The following ACOX3 variants were observed in gnomAD, a reference collection of about 807,000 sequenced individuals.
ACOX3 encodes peroxisomal acyl-coenzyme A oxidase 3.
Under a neutral mutation model 81.5 loss-of-function variants are expected in ACOX3, and 73 were observed. The observed-to-expected ratio is 0.90, with a 90% confidence interval of 0.74 to 1.09. ACOX3 has a LOEUF of 1.09. Ranked by LOEUF, ACOX3 falls within the 50% of genes least tolerant of loss-of-function variation. ACOX3 has a pLI of 0.00. For missense variants in ACOX3, 947 were observed against 928.0 expected, an observed-to-expected ratio of 1.02 and a Z score of -0.27; for synonymous variants, 387 against 375.1, an observed-to-expected ratio of 1.03 and a Z score of -0.37.
At chr4:8,421,088 C>T (rs1560203287) in intron 1 of ACOX3, among the ~76,000 whole-genome samples, 1 of 152,326 alleles carries the variant, frequency 6.6e-6, no homozygotes, top group East Asian at 1.9e-4. Flanking sequence ...CGGCCCACCA[C>T]CATCTTGGGA....
At chr4:8,377,445 AAC>A (rs1717110927) in intron 14 of ACOX3, among the ~76,000 whole-genome samples, 5 of 149,266 alleles carry the variant, frequency 3.3e-5, no homozygotes, top group Admixed American at 3.3e-4. Flanking sequence ...TGAGTTTTGA[AAC>A]ACAGCGTCAC....
Position 8,386,247 on chromosome 4 carries a change from T to C in ACOX3, c.1537+2926A>G, listed in dbSNP as rs1043159621. The stretch of plus-strand genomic sequence containing the variant: ...ATGATTAGGTCATTTTCTAGTTCTT[T>C]CTGTGGCAACATTTGGGAAGCTTAG... On this transcript the variant is annotated intron_variant, in intron 13 of 17. Transcript: ENST00000356406. This position sits in a 1 kb window ranked among gnomAD's most constrained non-coding sequence, Gnocchi z 5.2. Among the ~76,000 whole-genome samples the C allele has an allele frequency of 6.6e-6, 1 of 152,230 alleles. No individual in the cohort carries two copies. Among genetic ancestry groups the C allele is most frequent in the African/African-American group, 2.4e-5 (1 of 41,458 alleles).
In ACOX3 at chr4:8,396,954, G is replaced by T; in HGVS notation, c.1039C>A (p.Leu347Ile). ...CCTCATACCTGCATTGGATACTCAA[G>T]CACTGGTATTTCCTCCTCCTCTGTG... ...GPTEEEEIPV[L>I]EYPMQQWRLL... The change falls in exon 9 of 18, where the codon CTT (leucine) becomes ATT (isoleucine). Residue 347 changes from leucine to isoleucine, a missense_variant. Transcript: ENST00000356406. The T allele has an allele frequency of 6.2e-7, 1 of 1,611,842 alleles. No individual in the cohort carries two copies.
intron 1 of ACOX3, among the ~76,000 whole-genome samples, chr4:8,434,840 G>C (rs371301299): frequency 1.4e-4 from 22 of 152,324 alleles, no homozygotes; most frequent in African/African-American, 5.3e-4. Context: ...CTTTGGCTTT[G>C]GTTCTGATTT....
At chr4:8,410,848 C>T (rs964110018) in intron 5 of ACOX3, among the ~76,000 whole-genome samples, 11 of 152,230 alleles carry the variant, frequency 7.2e-5, no homozygotes, top group African/African-American at 2.4e-4. Context: ...ATCCCAAATG[C>T]CCCGAGCACA....
chr4:8,373,929 A>G, intron 15 of ACOX3: 1 of 424,670 alleles, frequency 2.4e-6, no homozygotes. Flanking sequence ...GCTGGGGTTC[A>G]GGGAGGCTGG....
At chr4:8,363,278 G>C (rs113916083), downstream of ACOX3, among the ~76,000 whole-genome samples, 2 of 152,204 alleles carry the variant, frequency 1.3e-5, no homozygotes, top group Admixed American at 6.5e-5. Flanking sequence ...GGATAGCTTT[G>C]CTTATTCTGT....
intron 13 of ACOX3, among the ~76,000 whole-genome samples, chr4:8,388,525 TC>T (rs1718574227): frequency 6.6e-6 from 1 of 152,212 alleles, no homozygotes; most frequent in African/African-American, 2.4e-5. Flanking sequence ...GGCGCCTCAT[TC>T]CCAGCTCTCG....
intron 1 of ACOX3, among the ~76,000 whole-genome samples, chr4:8,429,494 C>G (rs977762116): frequency 3.3e-5 from 5 of 152,132 alleles, no homozygotes; most frequent in Admixed American, 6.5e-5. Flanking sequence ...CAGACGAATT[C>G]CTGGGAATTG....
chr4:8,360,850 C>T, the ACOX3 span, among the ~76,000 whole-genome samples: 19 of 152,276 alleles, frequency 1.2e-4, no homozygotes, highest in African/African-American at 3.4e-4. Flanking sequence ...GAGTTAGCCA[C>T]GCCCCTAGCT....
In ACOX3 at chr4:8,382,934, T is replaced by C. The variant is rs1045790740; in HGVS notation, c.1538-1327A>G. On this transcript the variant is annotated intron_variant, in intron 13 of 17. Coordinates refer to ENST00000356406, the MANE Select transcript of ACOX3 (RefSeq NM_003501.3). The surrounding 1 kb of genome is among the most constrained non-coding windows in gnomAD (Gnocchi z 4.1). ...GTGAACCCGGGAGGCGGAGTTGCAG[T>C]GAGCCGAGATCGCGCCACTGCACTC... Among the ~76,000 whole-genome samples, 1 of 138,874 alleles carries C rather than the reference T, an allele frequency of 7.2e-6. No individual in the cohort carries two copies. Among genetic ancestry groups the C allele is most frequent in the Non-Finnish European group, 1.5e-5 (1 of 66,664 alleles). The allele number at this position is 138,874 out of a possible 152,430, so 91.1% of individuals were successfully genotyped here.
intron 9 of ACOX3, among the ~76,000 whole-genome samples, chr4:8,396,062 C>T (rs1245291983): frequency 6.6e-6 from 1 of 152,240 alleles, no homozygotes; most frequent in Non-Finnish European, 1.5e-5. Context: ...GTTCATCCCC[C>T]TTCCATGTAA....
At position 8,367,012 on chromosome 4, in the gene ACOX3, T is replaced by C. The variant is rs779967487; in HGVS notation, c.2052A>G (p.Pro684=). The change falls in exon 18 of 18, where the codon CCA becomes CCG. Residue 684 remains proline (P), a synonymous_variant. Coordinates refer to ENST00000356406, the MANE Select transcript of ACOX3 (RefSeq NM_003501.3). Reference sequence around the variant, plus strand: ...TGACAGGTTTGTTCACAGAAAACTCTGGCCACCAGGATGCCCGCTCCAACA... The same window carrying C: ...TGACAGGTTTGTTCACAGAAAACTCCGGCCACCAGGATGCCCGCTCCAACA... The part of the protein sequence containing the change: ...SKVLERASWW[P]EFSVNKPVIG... The C allele has an allele frequency of 1.7e-5, 27 of 1,614,178 alleles. No individual in the cohort carries two copies. The highest frequency in any genetic ancestry group is 3.3e-4 in the Middle Eastern group (2 of 6,062).
rs528200161 is a variant in ACOX3, at chr4:8,431,809, G to C, written c.-15+8839C>G. On this transcript the variant is annotated intron_variant, in intron 1 of 17. Coordinates refer to ENST00000356406, the MANE Select transcript of ACOX3 (RefSeq NM_003501.3). This position sits in a 1 kb window ranked among gnomAD's most constrained non-coding sequence, Gnocchi z 5.3. ...CCACTTCTGCTCCCTTCGGCACACC[G>C]ATTCCCTGCTCAGTTTTAGACCTTG... Among the ~76,000 whole-genome samples the C allele has an allele frequency of 6.6e-6, 1 of 152,176 alleles. No homozygotes were observed. The highest frequency in any genetic ancestry group is 1.5e-5 in the Non-Finnish European group (1 of 68,040).
intron 13 of ACOX3, among the ~76,000 whole-genome samples, chr4:8,388,721 G>C (rs1424666953): frequency 6.6e-6 from 1 of 152,222 alleles, no homozygotes. Flanking sequence ...AGGAGGTGCG[G>C]GAGGTGCGCC....
chr4:8,421,990 C>G (rs760462877), intron 1 of ACOX3, among the ~76,000 whole-genome samples: 1 of 152,162 alleles, frequency 6.6e-6, no homozygotes, highest in African/African-American at 2.4e-5. Context: ...ACTGTGTCTA[C>G]GACAACAGAA....
Position 8,416,893 on chromosome 4 carries a change from A to G in ACOX3, c.-14-358T>C, listed in dbSNP as rs1250483055. On this transcript the variant is annotated intron_variant, in intron 1 of 17. Coordinates refer to ENST00000356406, the MANE Select transcript of ACOX3 (RefSeq NM_003501.3). This position sits in a 1 kb window ranked among gnomAD's most constrained non-coding sequence, Gnocchi z 4.2. Reference sequence around the variant, plus strand: ...GGGAGCACCCCGGACATCCAGACTCATCCCCAAGGCTCACTAAACCCAGGG... The same window carrying G: ...GGGAGCACCCCGGACATCCAGACTCGTCCCCAAGGCTCACTAAACCCAGGG... 6.6e-6 allele frequency among the ~76,000 whole-genome samples: 1 copy of G among 152,192 alleles called. No homozygotes were observed. The highest frequency in any genetic ancestry group is 1.5e-5 in the Non-Finnish European group (1 of 68,030).
intron 1 of ACOX3, among the ~76,000 whole-genome samples, chr4:8,418,458 CAAAA>C (rs765799961): frequency 2.0e-5 from 1 of 49,720 alleles, no homozygotes; most frequent in Non-Finnish European, 4.7e-5. Flanking sequence ...GACTCCATCT[CAAAA>C]AAAAAAAAAA....
At chr4:8,412,632 C>A in intron 5 of ACOX3, among the ~76,000 whole-genome samples, 1 of 152,158 alleles carries the variant, frequency 6.6e-6, no homozygotes, top group East Asian at 1.9e-4. Flanking sequence ...CACTTCCTGC[C>A]ACACAACAGT....
Sources: allele counts gnomAD v4.1 joint callset (sites outside exome capture counted in the v4.1 genomes callset), GRCh38; gene constraint gnomAD v4.1.1; non-coding constraint Gnocchi (gnomAD v3.1); transcripts MANE v1.5; gene names NCBI Gene and HGNC (gene_info 2026-07-23, HGNC 2026-07-21).